The following LBH variants were observed in gnomAD, a reference collection of about 807,000 sequenced individuals.
The protein encoded by LBH is LBH regulator of Wnt signaling pathway, also known as protein LBH.
In LBH, 7 loss-of-function variants were observed where a neutral mutation model predicts 12.5. The ratio of observed to expected loss-of-function variants is 0.56; its 90% CI spans 0.32 to 1.05. The LOEUF (loss-of-function observed/expected upper bound fraction) is 1.05, where lower values mean the gene tolerates loss of function less well. Ranked by LOEUF, LBH falls within the 50% of genes least tolerant of loss-of-function variation. LBH has a pLI of 0.04. For missense variants in LBH, 119 were observed against 138.9 expected, an observed-to-expected ratio of 0.86 and a Z score of 0.72; for synonymous variants, 51 against 50.1, an observed-to-expected ratio of 1.02 and a Z score of -0.08.
chr2:30,238,635 C>T (rs1164538237), intron 2 of LBH, among the ~76,000 whole-genome samples: 1 of 152,196 alleles, frequency 6.6e-6, no homozygotes, highest in African/African-American at 2.4e-5. Flanking sequence ...CCCTTCATTC[C>T]CCAGGTGGGA....
chr2:30,250,729 C>T (rs946364527), intron 2 of LBH, among the ~76,000 whole-genome samples: 12 of 152,094 alleles, frequency 7.9e-5, no homozygotes, highest in Non-Finnish European at 5.9e-5. Context: ...ACTGGCTCAC[C>T]GGCAACTTTT....
At chr2:30,232,241 TGGGGGGC>T in intron 1 of LBH, 9 of 211,580 alleles carry the variant, frequency 4.3e-5, no homozygotes, top group Non-Finnish European at 5.9e-5. Flanking sequence ...TCCGGGGGGG[TGGGGGGC>T]GGGAAACGCT....
At chr2:30,257,363 G>A in intron 2 of LBH, 70 bp from the exon 3 acceptor site, 9 of 1,554,386 alleles carry the variant, frequency 5.8e-6, no homozygotes, top group Non-Finnish European at 7.9e-6. Flanking sequence ...ACATGGATGT[G>A]CAAAGAAGGA....
chr2:30,236,489 C>T (rs1201907982), intron 2 of LBH, among the ~76,000 whole-genome samples: 2 of 152,264 alleles, frequency 1.3e-5, no homozygotes, highest in Admixed American at 6.5e-5. Context: ...GTGGGGACCA[C>T]TCCCCAGTTC....
intron 2 of LBH, among the ~76,000 whole-genome samples, chr2:30,252,832 A>C (rs1678008722): frequency 6.6e-6 from 1 of 152,166 alleles, no homozygotes; most frequent in East Asian, 1.9e-4. Context: ...CAGAGGGAGG[A>C]AGGTGTAGGG....
chr2:30,257,564 C>A lies in LBH; in HGVS notation c.261C>A (p.Val87=), dbSNP rs368348873. The A allele has an allele frequency of 1.2e-6, 2 of 1,613,862 alleles. No individual in the cohort carries two copies. Among genetic ancestry groups the A allele is most frequent in the Non-Finnish European group, 1.7e-6 (2 of 1,180,002 alleles). Residue 87 remains valine (V), a synonymous_variant, in exon 3 of 3, where the codon GTC becomes GTA. Coordinates refer to ENST00000395323, the MANE Select transcript of LBH (RefSeq NM_030915.4). The part of the protein sequence containing the change: ...ELRWPPEEFL[V]QEDEQDNCEE... ...GGTGGCCCCCTGAGGAGTTCCTGGT[C>A]CAGGAGGATGAGCAAGATAACTGCG...
intron 2 of LBH, among the ~76,000 whole-genome samples, chr2:30,245,806 TGTGCCC>T (rs765441210): frequency 1.3e-5 from 2 of 152,190 alleles, no homozygotes; most frequent in Non-Finnish European, 2.9e-5. Context: ...AATCCTAAGA[TGTGCCC>T]GTTGGAGTTT....
intron 1 of LBH, chr2:30,232,068 C>G: frequency 6.7e-7 from 1 of 1,491,950 alleles, no homozygotes; most frequent in Non-Finnish European, 9.0e-7. Flanking sequence ...CCAATGAAAC[C>G]ACCCTATGCG....
intron 2 of LBH, among the ~76,000 whole-genome samples, chr2:30,246,213 C>T (rs1221357831): frequency 1.3e-5 from 2 of 152,152 alleles, no homozygotes; most frequent in African/African-American, 4.8e-5. Context: ...CCCGCCTTAC[C>T]TCCTAAAGTG....
chr2:30,259,928 C>T lies in LBH; in HGVS notation c.*2307C>T, dbSNP rs1678166748. 1 of 151,998 alleles carries T rather than the reference C, an allele frequency of 6.6e-6. No individual in the cohort carries two copies. The highest frequency in any genetic ancestry group is 2.4e-5 in the African/African-American group (1 of 41,186). 9.4% of individuals were successfully genotyped at this position (151,998 alleles called of 1,614,324 possible). On this transcript the variant is annotated 3_prime_UTR_variant, in exon 3 of 3. Transcript: ENST00000395323. ...GAGATGAACCTCCTGTAACTTCTATCTGTTCTTTTTTGAGGCTCAGGGAGA... is the reference window on the plus strand; with the variant it reads ...GAGATGAACCTCCTGTAACTTCTATTTGTTCTTTTTTGAGGCTCAGGGAGA...
intron 2 of LBH, among the ~76,000 whole-genome samples, chr2:30,251,012 C>T (rs1677969396): frequency 6.7e-6 from 1 of 150,194 alleles, no homozygotes; most frequent in Non-Finnish European, 1.5e-5. Flanking sequence ...TAAAAAATAA[C>T]ACTTTAGCCA....
chr2:30,249,592 G>A (rs1386608543), intron 2 of LBH, among the ~76,000 whole-genome samples: 1 of 152,186 alleles, frequency 6.6e-6, no homozygotes, highest in Non-Finnish European at 1.5e-5. Context: ...CCTAACCCAC[G>A]CCCTGGGGAA....
At chr2:30,249,445 A>G (rs1163239245) in intron 2 of LBH, among the ~76,000 whole-genome samples, 1 of 152,224 alleles carries the variant, frequency 6.6e-6, no homozygotes, top group Non-Finnish European at 1.5e-5. Context: ...GTTGTTCTCC[A>G]GGAGAAGTAA....
intron 1 of LBH, 134 bp from the exon 2 acceptor site, chr2:30,234,271 G>A (rs1487625578): frequency 1.4e-6 from 1 of 703,120 alleles, no homozygotes; most frequent in East Asian, 2.6e-5. Context: ...AGCTTGTTTT[G>A]CTGCAAGTTC....
At chr2:30,249,876 C>A (rs1486102067) in intron 2 of LBH, among the ~76,000 whole-genome samples, 4 of 152,228 alleles carry the variant, frequency 2.6e-5, no homozygotes, top group Non-Finnish European at 5.9e-5. Context: ...AGCATTAGCA[C>A]TGACCCAAAT....
At chr2:30,256,113 C>T (rs1043087081) in intron 2 of LBH, among the ~76,000 whole-genome samples, 6 of 152,256 alleles carry the variant, frequency 3.9e-5, no homozygotes, top group South Asian at 2.1e-4. Flanking sequence ...AGCAGCCCAG[C>T]GGATTAAGTA....
At chr2:30,240,012 A>G (rs925379695) in intron 2 of LBH, among the ~76,000 whole-genome samples, 2 of 152,162 alleles carry the variant, frequency 1.3e-5, no homozygotes, top group African/African-American at 4.8e-5. Context: ...TACTAGGGCC[A>G]TACATCCCGG....
rs766786816 is a variant in LBH at position 30,231,700 on chromosome 2, T to C, written c.-39T>C. 1 of 1,585,484 alleles carries C rather than the reference T, an allele frequency of 6.3e-7. No individual in the cohort carries two copies. Among genetic ancestry groups the C allele is most frequent in the South Asian group, 1.1e-5 (1 of 88,192 alleles). On this transcript the variant is annotated 5_prime_UTR_variant, in exon 1 of 3. Coordinates refer to ENST00000395323, the MANE Select transcript of LBH (RefSeq NM_030915.4). ...TCACTCGGGACGCAGGGACCGTTTT[T>C]AAATCACAGGGGCGTGTGTCAGCCT...
At position 30,231,782 on chromosome 2, in the gene LBH, G is replaced by C. The variant is rs374624851; in HGVS notation, c.26+18G>C. 37 of 1,554,494 alleles carry C rather than the reference G, an allele frequency of 2.4e-5. No individual in the cohort carries two copies. Among genetic ancestry groups the C allele is most frequent in the African/African-American group, 2.8e-5 (2 of 70,470 alleles). The stretch of plus-strand genomic sequence containing the variant: ...ATTCACTGGTGAGTACCCTGCGCCT[G>C]CGGCGGGCGTCTGTCTCGCGGCGGT... On this transcript the variant is annotated intron_variant, in intron 1 of 2. Transcript: ENST00000395323.
Sources: gnomAD v4.1 joint callset for allele counts (sites outside exome capture counted in the v4.1 genomes callset) on GRCh38, gnomAD v4.1.1 for gene constraint, MANE v1.5 for transcripts, NCBI Gene and HGNC (gene_info 2026-07-23, HGNC 2026-07-21) for gene names.